The following ANO3 variants were observed in gnomAD, a reference collection of about 807,000 sequenced individuals.
ANO3 encodes the protein anoctamin-3.
Under a neutral mutation model 144.8 loss-of-function variants are expected in ANO3, and 99 were observed. The observed-to-expected ratio is 0.68, with a 90% confidence interval of 0.58 to 0.81. The LOEUF (loss-of-function observed/expected upper bound fraction) is 0.81, where lower values mean the gene tolerates loss of function less well. ANO3 is among the 30% of genes least tolerant of loss of function. ANO3 has a pLI of 0.00. For synonymous variants in ANO3, 414 were observed against 392.6 expected (o/e 1.05, Z -0.64); for missense variants, 905 against 1,202.2 (o/e 0.75, Z 3.66).
At chr11:26,562,713 C>A (rs865807542) in intron 14 of ANO3, among the ~76,000 whole-genome samples, 20 of 151,732 alleles carry the variant, frequency 1.3e-4, no homozygotes, top group African/African-American at 4.6e-4. Flanking sequence ...AAAAGAGCTC[C>A]AAATTAGAAT....
chr11:26,605,778 G>C (rs1404063893), intron 17 of ANO3, among the ~76,000 whole-genome samples: 1 of 151,864 alleles, frequency 6.6e-6, no homozygotes, highest in Non-Finnish European at 1.5e-5. Context: ...GGGATCAGTG[G>C]TGATATCCCC....
intron 1 of ANO3, among the ~76,000 whole-genome samples, chr11:26,271,778 C>A (rs11822673): frequency 0.25 from 37,129 of 147,908 alleles, 6,687 homozygotes; most frequent in African/African-American, 0.5. Context: ...ATATTCTTTC[C>A]GCCTAGCACA....
At position 26,442,052 on chromosome 11, in the gene ANO3, G is replaced by A. The variant is rs748148669; in HGVS notation, c.181G>A (p.Glu61Lys). Residue 61 changes from glutamate to lysine, a missense_variant, in exon 2 of 27, where the codon GAG (glutamate) becomes AAG (lysine). Physicochemically the swap from Glu to Lys is moderately conservative, Grantham distance 56. This residue lies in a region of ANO3 where 174 missense variants were observed against 171.9 expected (regional missense o/e 1.01). Transcript: ENST00000256737. ...SQSTSLFQST[E>K]SESQAPTSIT... The stretch of plus-strand genomic sequence containing the variant: ...GTCTACTTCCCTCTTCCAGTCAACC[G>A]AGAGTGAATCTCAGGCTCCCACATC... 20 of 1,614,002 alleles carry A rather than the reference G, an allele frequency of 1.2e-5. No individual in the cohort carries two copies. Among genetic ancestry groups the A allele is most frequent in the Middle Eastern group, 1.6e-4 (1 of 6,084 alleles).
intron 1 of ANO3, among the ~76,000 whole-genome samples, chr11:26,395,188 T>C (rs1856979306): frequency 6.6e-6 from 1 of 152,192 alleles, no homozygotes. Flanking sequence ...CCTTGTAGTA[T>C]AGTTTGAAGT....
intron 1 of ANO3, among the ~76,000 whole-genome samples, chr11:26,219,290 T>C (rs1200075086): frequency 6.6e-6 from 1 of 152,204 alleles, no homozygotes; most frequent in Non-Finnish European, 1.5e-5. Flanking sequence ...TATGGTGAGA[T>C]AGAGAACTTT....
At chr11:26,419,613 A>T (rs1857693816) in intron 1 of ANO3, among the ~76,000 whole-genome samples, 1 of 152,120 alleles carries the variant, frequency 6.6e-6, no homozygotes, top group South Asian at 2.1e-4. Context: ...TCTGAACAAG[A>T]CAAACATGAA....
chr11:26,484,759 C>A (rs1004000415), intron 4 of ANO3, among the ~76,000 whole-genome samples: 1 of 152,190 alleles, frequency 6.6e-6, no homozygotes, highest in Non-Finnish European at 1.5e-5. Context: ...AAGAAAGCAG[C>A]CACAAGGTTT....
Position 26,656,203 on chromosome 11 carries a change from C to T in ANO3, c.2655C>T (p.Cys885=), listed in dbSNP as rs1414719478. ...SELGMGKSGY[C]RYRDYRGPPW... ...TTGGTATGGGAAAATCTGGTTATTG[C>T]AGGTACTTATAATAGTTATCTTTCC... Residue 885 remains cysteine (C), a splice_region_variant and synonymous_variant, in exon 25 of 27, where the codon TGC becomes TGT. Coordinates refer to ENST00000256737, the MANE Select transcript of ANO3 (RefSeq NM_031418.4). 1 of 1,611,714 alleles carries T rather than the reference C, an allele frequency of 6.2e-7. No homozygotes were observed. The highest frequency in any genetic ancestry group is 8.5e-7 in the Non-Finnish European group (1 of 1,177,976).
rs1435763058 is a variant in ANO3, at chr11:26,339,836, TCCGTTTG to T, written c.46+7516_46+7522del. On this transcript the variant is annotated intron_variant, in intron 1 of 26. Transcript: ENST00000256737. The stretch of plus-strand genomic sequence containing the variant: ...CGTATTAGTACAACCATCCTGGCTG[TCCGTTTG>T]GTTATTCTTTCCTCTTAAACTGCAC... 2.8e-4 allele frequency among the ~76,000 whole-genome samples: 43 copies of T among 152,318 alleles called. 1 individual carries two copies. The East Asian group carries it at 4.2e-3, about 15-fold the overall frequency.
At chr11:26,415,367 T>C (rs1025258863) in intron 1 of ANO3, among the ~76,000 whole-genome samples, 1 of 152,090 alleles carries the variant, frequency 6.6e-6, no homozygotes, top group Non-Finnish European at 1.5e-5. Flanking sequence ...TTCCATGTTA[T>C]ACCCTGATCT....
At chr11:26,409,979 A>G (rs1857388743) in intron 1 of ANO3, among the ~76,000 whole-genome samples, 1 of 151,972 alleles carries the variant, frequency 6.6e-6, no homozygotes, top group Admixed American at 6.6e-5. Context: ...TGGAAGCCTG[A>G]TCCAGAATTA....
chr11:26,236,679 A>G (rs11029411), intron 1 of ANO3, among the ~76,000 whole-genome samples: 12,984 of 151,830 alleles, frequency 0.086, 1,079 homozygotes, highest in African/African-American at 0.22. Flanking sequence ...TTAGCCGGGC[A>G]TGGTGGCGGG....
intron 24 of ANO3, among the ~76,000 whole-genome samples, chr11:26,655,645 G>T (rs1437225365): frequency 2.0e-5 from 3 of 152,048 alleles, no homozygotes; most frequent in East Asian, 3.9e-4. Flanking sequence ...AGGGATAGGG[G>T]TTTTTGCCTG....
At chr11:26,332,083 C>T, upstream of ANO3, 1 of 1,444,362 alleles carries the variant, frequency 6.9e-7, no homozygotes, top group Admixed American at 2.6e-5. Flanking sequence ...GACGCTAGAC[C>T]GCCCTCCCGC....
At position 26,563,012 on chromosome 11, in the gene ANO3, T is replaced by C. The variant is rs925667896; in HGVS notation, c.1447+3233T>C. 7.9e-5 allele frequency: 115 copies of C among 1,450,420 alleles called. 1 individual carries two copies. Among genetic ancestry groups the C allele is most frequent in the Non-Finnish European group, 9.6e-5 (105 of 1,094,904 alleles). The allele number at this position is 1,450,420 out of a possible 1,614,324, so 89.8% of individuals were successfully genotyped here. ...AATAAGTCTTTAGTTTGTTCATTCA[T>C]ATGAATTCTTTTGGAATTACCTTCT... On this transcript the variant is annotated intron_variant, in intron 14 of 26. Coordinates refer to ENST00000256737, the MANE Select transcript of ANO3 (RefSeq NM_031418.4).
intron 11 of ANO3, 102 bp from the exon 12 acceptor site, chr11:26,547,314 G>T: frequency 8.4e-7 from 1 of 1,193,770 alleles, no homozygotes; most frequent in Non-Finnish European, 1.2e-6. Context: ...ACTGAGTGTA[G>T]CTTCAAGTTA....
At chr11:26,350,722 C>T (rs1380261002) in intron 1 of ANO3, among the ~76,000 whole-genome samples, 4 of 151,860 alleles carry the variant, frequency 2.6e-5, no homozygotes, top group African/African-American at 7.3e-5. Flanking sequence ...TAATTGAATA[C>T]ATTTTTGTTA....
intron 20 of ANO3, among the ~76,000 whole-genome samples, chr11:26,635,440 A>G (rs1015062177): frequency 6.6e-6 from 1 of 152,184 alleles, no homozygotes; most frequent in Admixed American, 6.5e-5. Context: ...AAACACCAAC[A>G]TGTAATTATA....
chr11:26,480,663 C>T (rs1488804749), intron 4 of ANO3, among the ~76,000 whole-genome samples: 1 of 151,832 alleles, frequency 6.6e-6, no homozygotes, highest in Non-Finnish European at 1.5e-5. Context: ...TAAAAATTAG[C>T]CAGGCGTGGT....
Sources: allele counts gnomAD v4.1 joint callset (sites outside exome capture counted in the v4.1 genomes callset), GRCh38; gene constraint gnomAD v4.1.1; regional missense constraint gnomAD v4.1.1; transcripts MANE v1.5; gene names NCBI Gene and HGNC (gene_info 2026-07-23, HGNC 2026-07-21).